OPCML: variants seen among roughly 807,000 people sequenced by gnomAD.
OPCML encodes opioid-binding protein/cell adhesion molecule.
Under a neutral mutation model 37.8 loss-of-function variants are expected in OPCML, and 13 were observed. That is an observed-to-expected ratio of 0.34 (90% CI 0.22 to 0.55). The LOEUF (loss-of-function observed/expected upper bound fraction) is 0.55. OPCML is among the 20% of genes least tolerant of loss of function. The pLI, the probability that OPCML is intolerant of heterozygous loss-of-function variation, is 0.91. For missense variants in OPCML, 341 were observed against 435.6 expected (o/e 0.78, Z 1.93); for synonymous variants, 176 against 168.8 (o/e 1.04, Z -0.33).
chr11:133,039,899 G>A (rs1330638512), intron 1 of OPCML, among the ~76,000 whole-genome samples: 1 of 151,860 alleles, frequency 6.6e-6, no homozygotes, highest in East Asian at 1.9e-4. Context: ...TATGGTGGTG[G>A]GCACCTGTAA....
intron 1 of OPCML, among the ~76,000 whole-genome samples, chr11:133,269,005 G>C (rs1425012828): frequency 6.6e-6 from 1 of 152,162 alleles, no homozygotes; most frequent in Non-Finnish European, 1.5e-5. Flanking sequence ...TCTTTGATGT[G>C]TGCTCCAGGA....
intron 1 of OPCML, among the ~76,000 whole-genome samples, chr11:132,981,386 G>C (rs541241264): frequency 2.6e-5 from 4 of 152,202 alleles, no homozygotes; most frequent in Non-Finnish European, 4.4e-5. Context: ...CCTGAAGGCG[G>C]AGTTCTGTTG....
chr11:132,877,589 AC>A (rs1943067486), intron 2 of OPCML, among the ~76,000 whole-genome samples: 1 of 152,068 alleles, frequency 6.6e-6, no homozygotes, highest in African/African-American at 2.4e-5. Flanking sequence ...AAAAGCCAGG[AC>A]CCTCAGATCC....
At chr11:132,805,801 C>A (rs549605274) in intron 2 of OPCML, among the ~76,000 whole-genome samples, 16 of 152,072 alleles carry the variant, frequency 1.1e-4, no homozygotes, top group African/African-American at 3.9e-4. Context: ...GAAAATGATG[C>A]CAGATGGAAA....
At chr11:132,829,538 TCTC>T (rs1213892681) in intron 2 of OPCML, among the ~76,000 whole-genome samples, 2 of 152,152 alleles carry the variant, frequency 1.3e-5, no homozygotes, top group East Asian at 1.9e-4. Flanking sequence ...GCCTCTGACT[TCTC>T]CTCTTGACTC....
intron 2 of OPCML, among the ~76,000 whole-genome samples, chr11:132,673,353 T>C (rs1942561300): frequency 6.6e-6 from 1 of 151,960 alleles, no homozygotes; most frequent in African/African-American, 2.4e-5. Context: ...CACAGAGAGA[T>C]GGAAGTGGGT....
At chr11:132,905,767 T>A (rs1351950645) in intron 2 of OPCML, among the ~76,000 whole-genome samples, 1 of 152,188 alleles carries the variant, frequency 6.6e-6, no homozygotes, top group Non-Finnish European at 1.5e-5. Context: ...AGCATTTTCT[T>A]CCAGTATAAG....
intron 1 of OPCML, among the ~76,000 whole-genome samples, chr11:133,093,056 T>G (rs537212634): frequency 1.3e-5 from 2 of 152,260 alleles, no homozygotes; most frequent in African/African-American, 4.8e-5. Flanking sequence ...GCATAGTAAC[T>G]ATAATAATTA....
chr11:132,800,099 TC>T (rs1429389447), intron 2 of OPCML, among the ~76,000 whole-genome samples: 12 of 152,342 alleles, frequency 7.9e-5, no homozygotes, highest in Non-Finnish European at 1.5e-4. Flanking sequence ...TTAATTTCTT[TC>T]AATAATGTTT....
chr11:132,741,262 C>T (rs1945424839), intron 2 of OPCML, among the ~76,000 whole-genome samples: 1 of 152,196 alleles, frequency 6.6e-6, no homozygotes. Context: ...TTGTATATCC[C>T]ATCATCAGGT....
chr11:132,631,352 C>CATAT (rs61450463), intron 3 of OPCML, among the ~76,000 whole-genome samples: 3,135 of 142,638 alleles, frequency 0.022, 54 homozygotes, highest in African/African-American at 0.048. Context: ...ACCATATATA[C>CATAT]ATATATATAT....
At chr11:133,235,491 A>T (rs1431297332) in intron 1 of OPCML, among the ~76,000 whole-genome samples, 5 of 152,196 alleles carry the variant, frequency 3.3e-5, no homozygotes, top group Non-Finnish European at 7.3e-5. Flanking sequence ...GCAACTAGAA[A>T]GGAATCAAAC....
intron 3 of OPCML, among the ~76,000 whole-genome samples, chr11:132,576,382 A>G (rs2096450847): frequency 6.6e-6 from 1 of 151,020 alleles, no homozygotes; most frequent in African/African-American, 2.4e-5. Context: ...AGCATTTGCA[A>G]ATCCTTTTTT....
intron 1 of OPCML, among the ~76,000 whole-genome samples, chr11:132,999,765 G>A (rs1297806766): frequency 6.6e-6 from 1 of 152,154 alleles, no homozygotes; most frequent in Non-Finnish European, 1.5e-5. Context: ...AAAGAAAAGA[G>A]CTACGAGACA....
chr11:133,154,474 CT>C (rs1950029140), intron 1 of OPCML, among the ~76,000 whole-genome samples: 1 of 152,008 alleles, frequency 6.6e-6, no homozygotes, highest in African/African-American at 2.4e-5. Flanking sequence ...TTGTCACATT[CT>C]TTTTGTCCAA....
In OPCML at chr11:132,419,739, T is replaced by C. The variant is rs1359687964; in HGVS notation, c.*454A>G. On this transcript the variant is annotated 3_prime_UTR_variant, in exon 8 of 8. Transcript: ENST00000524381. Reference sequence around the variant, plus strand: ...CATATGTACATTGTCATTAAGAAAATAATCACAGATAATAGGACACTTGGA... The same window carrying C: ...CATATGTACATTGTCATTAAGAAAACAATCACAGATAATAGGACACTTGGA... 2 of 157,098 alleles carry C rather than the reference T, an allele frequency of 1.3e-5. No homozygotes were observed. The highest frequency in any genetic ancestry group is 1.9e-4 in the East Asian group (1 of 5,272). The allele number at this position is 157,098 out of a possible 1,614,324, so 9.7% of individuals were successfully genotyped here. A position where few individuals can be genotyped will look rare whatever the true frequency, so the allele number is the denominator to read the frequency against.
rs1388263266 is a variant in OPCML, at chr11:132,846,339, T to G, written c.146+96587A>C. 3.9e-5 allele frequency among the ~76,000 whole-genome samples: 6 copies of G among 152,206 alleles called. No homozygotes were observed. The South Asian group carries it at 1.2e-3, about 32-fold the overall frequency. Reference sequence around the variant, plus strand: ...TCACAGCAGCCTGAAAACACTGGTATAAACATGGTTCCCAAGGTCTAGGAG... The same window carrying G: ...TCACAGCAGCCTGAAAACACTGGTAGAAACATGGTTCCCAAGGTCTAGGAG... On this transcript the variant is annotated intron_variant, in intron 2 of 7. Coordinates refer to ENST00000524381, the MANE Select transcript of OPCML (RefSeq NM_001012393.5).
intron 2 of OPCML, among the ~76,000 whole-genome samples, chr11:132,751,799 T>C (rs1368366868): frequency 6.6e-6 from 1 of 152,216 alleles, no homozygotes; most frequent in Non-Finnish European, 1.5e-5. Flanking sequence ...CTGCTGTTTA[T>C]TCAGGCTATG....
intron 1 of OPCML, among the ~76,000 whole-genome samples, chr11:133,390,194 C>T (rs553710613): frequency 3.9e-4 from 59 of 152,316 alleles, no homozygotes; most frequent in African/African-American, 1.3e-3. Context: ...CGCGGTGGCT[C>T]ACGCCTGTAA....
Sources: gnomAD v4.1 joint callset for allele counts (sites outside exome capture counted in the v4.1 genomes callset) on GRCh38, gnomAD v4.1.1 for gene constraint, MANE v1.5 for transcripts, NCBI Gene and HGNC (gene_info 2026-07-23, HGNC 2026-07-21) for gene names.